The following RTN4RL1 variants were observed in gnomAD, a reference collection of about 807,000 sequenced individuals.
RTN4RL1 encodes the protein reticulon 4 receptor like 1, also known as reticulon-4 receptor-like 1.
In RTN4RL1, 7 loss-of-function variants were observed where a neutral mutation model predicts 25.6. That is an observed-to-expected ratio of 0.27 (90% CI 0.16 to 0.51). The LOEUF is 0.51. Ranked by LOEUF, RTN4RL1 falls within the 20% of genes least tolerant of loss-of-function variation. RTN4RL1 has a pLI of 0.97. For synonymous variants in RTN4RL1, 297 were observed against 288.2 expected, an observed-to-expected ratio of 1.03 and a Z score of -0.31; for missense variants, 500 against 615.6, an observed-to-expected ratio of 0.81 and a Z score of 1.99.
At chr17:1,992,181 G>A (rs1010299095) in intron 1 of RTN4RL1, among the ~76,000 whole-genome samples, 9 of 152,024 alleles carry the variant, frequency 5.9e-5, no homozygotes, top group Non-Finnish European at 1.3e-4. Flanking sequence ...TGGCTAACAC[G>A]GTGAAACCCC....
intron 1 of RTN4RL1, among the ~76,000 whole-genome samples, chr17:1,964,630 G>A (rs984523728): frequency 1.3e-5 from 2 of 151,796 alleles, no homozygotes; most frequent in African/African-American, 4.8e-5. Context: ...TACTCGGGAG[G>A]CTGAGGCAGG....
At chr17:1,979,350 G>A (rs909991430) in intron 1 of RTN4RL1, among the ~76,000 whole-genome samples, 8 of 151,376 alleles carry the variant, frequency 5.3e-5, no homozygotes, top group African/African-American at 1.9e-4. Flanking sequence ...GGTGGCACAC[G>A]CCTGTGGTCC....
intron 1 of RTN4RL1, among the ~76,000 whole-genome samples, chr17:2,014,454 G>A (rs568961096): frequency 6.6e-6 from 1 of 152,320 alleles, no homozygotes; most frequent in Non-Finnish European, 1.5e-5. Context: ...TATAAGTTGA[G>A]ACCTGAGGAT....
At chr17:1,995,281 C>A (rs1387007030) in intron 1 of RTN4RL1, among the ~76,000 whole-genome samples, 2 of 152,084 alleles carry the variant, frequency 1.3e-5, no homozygotes, top group Non-Finnish European at 2.9e-5. Flanking sequence ...CAAAAATTAG[C>A]CGGGCATGGT....
At chr17:1,981,385 AAAC>A (rs1215137509) in intron 1 of RTN4RL1, among the ~76,000 whole-genome samples, 4 of 152,290 alleles carry the variant, frequency 2.6e-5, no homozygotes, top group South Asian at 4.1e-4. Flanking sequence ...TTGTCTCCAA[AAAC>A]AACAACAACA....
intron 1 of RTN4RL1, among the ~76,000 whole-genome samples, chr17:1,941,772 C>A (rs1915443181): frequency 6.6e-6 from 1 of 152,166 alleles, no homozygotes; most frequent in Non-Finnish European, 1.5e-5. Context: ...GGTCCCATCT[C>A]CAAGACCTGG....
At chr17:1,961,398 C>G (rs1597496372) in intron 1 of RTN4RL1, among the ~76,000 whole-genome samples, 1 of 152,286 alleles carries the variant, frequency 6.6e-6, no homozygotes, top group African/African-American at 2.4e-5. Context: ...GAGAGGGAGA[C>G]AGCAGTCACG....
intron 1 of RTN4RL1, among the ~76,000 whole-genome samples, chr17:1,997,904 G>C (rs566762993): frequency 2.4e-3 from 361 of 152,354 alleles, no homozygotes; most frequent in African/African-American, 7.5e-3. Context: ...AGGGCAGGCC[G>C]GCAGGGGCCG....
chr17:2,024,449 G>A (rs1015626743), intron 1 of RTN4RL1, among the ~76,000 whole-genome samples: 1 of 151,518 alleles, frequency 6.6e-6, no homozygotes, highest in African/African-American at 2.4e-5. Context: ...CTGCACGGGG[G>A]CGCCGTGCGG....
chr17:2,010,409 G>A (rs977157978), intron 1 of RTN4RL1, among the ~76,000 whole-genome samples: 10 of 152,076 alleles, frequency 6.6e-5, no homozygotes, highest in African/African-American at 2.2e-4. Context: ...CCCAGGAGAC[G>A]GAGATTGCAG....
At chr17:1,955,285 G>A (rs1915768563) in intron 1 of RTN4RL1, among the ~76,000 whole-genome samples, 1 of 152,244 alleles carries the variant, frequency 6.6e-6, no homozygotes, top group East Asian at 1.9e-4. Flanking sequence ...GCTGGGTGAG[G>A]TGGCTGACAC....
intron 1 of RTN4RL1, among the ~76,000 whole-genome samples, chr17:1,965,398 C>A (rs1206951958): frequency 6.6e-6 from 1 of 152,190 alleles, no homozygotes; most frequent in Non-Finnish European, 1.5e-5. Flanking sequence ...AGGCATGAGC[C>A]ACTGCGCCCA....
rs766947257 is a variant in RTN4RL1 at position 1,937,277 on chromosome 17, C to T, written c.545G>A (p.Gly182Asp). The change falls in exon 2 of 2, where the codon GGC becomes GAC. Residue 182 changes from glycine (G) to aspartate (D), a missense_variant. Transcript: ENST00000331238. ...CGGGCCCAGACTCCACAGCTTGTTG[C>T]CGTGGAGAAACAGGTGGCTGAGGTT... ...LVNLSHLFLH[G>D]NKLWSLGPGT... The T allele has an allele frequency of 6.2e-7, 1 of 1,612,696 alleles. No individual in the cohort carries two copies. The highest frequency in any genetic ancestry group is 8.5e-7 in the Non-Finnish European group (1 of 1,179,862).
chr17:1,975,522 G>A (rs1361454325), intron 1 of RTN4RL1, among the ~76,000 whole-genome samples: 18 of 151,996 alleles, frequency 1.2e-4, no homozygotes, highest in Admixed American at 9.8e-4. Flanking sequence ...GTGGTGGCGC[G>A]GACCTGTAAT....
intron 1 of RTN4RL1, among the ~76,000 whole-genome samples, chr17:1,946,331 G>A (rs184712222): frequency 9.8e-5 from 15 of 152,368 alleles, no homozygotes; most frequent in Admixed American, 7.2e-4. Flanking sequence ...CACAAGGCAC[G>A]TGTCTTCTCA....
intron 1 of RTN4RL1, among the ~76,000 whole-genome samples, chr17:1,977,006 C>G (rs1301626141): frequency 6.6e-6 from 1 of 152,214 alleles, no homozygotes; most frequent in East Asian, 1.9e-4. Context: ...TGTGGCCTCT[C>G]AGATCAGACT....
chr17:2,008,717 G>C (rs940449963), intron 1 of RTN4RL1, among the ~76,000 whole-genome samples: 2 of 152,104 alleles, frequency 1.3e-5, no homozygotes, highest in Non-Finnish European at 2.9e-5. Flanking sequence ...TCCGTGGCAC[G>C]AACAGTGACT....
chr17:1,978,690 A>G (rs940721998), intron 1 of RTN4RL1, among the ~76,000 whole-genome samples: 7 of 152,344 alleles, frequency 4.6e-5, no homozygotes, highest in Admixed American at 2.0e-4. Flanking sequence ...CGCACGGAGC[A>G]TGGAGCGTGG....
chr17:1,957,742 G>A (rs1437724931), intron 1 of RTN4RL1, among the ~76,000 whole-genome samples: 1 of 152,186 alleles, frequency 6.6e-6, no homozygotes, highest in Admixed American at 6.5e-5. Flanking sequence ...TACTCGGGAG[G>A]CTGAGGCAGG....
Sources: allele counts gnomAD v4.1 joint callset (sites outside exome capture counted in the v4.1 genomes callset), GRCh38; gene constraint gnomAD v4.1.1; transcripts MANE v1.5; gene names NCBI Gene and HGNC (gene_info 2026-07-23, HGNC 2026-07-21).